Variants in SPATA24 observed in about 807,000 individuals in gnomAD.
The protein encoded by SPATA24 is spermatogenesis-associated protein 24.
Under a neutral mutation model 28.9 loss-of-function variants are expected in SPATA24, and 21 were observed. The observed-to-expected ratio is 0.73, with a 90% CI of 0.52 to 1.05. SPATA24 has a LOEUF of 1.05. SPATA24 is among the 50% of genes least tolerant of loss of function. The pLI is 0.00. For synonymous variants in SPATA24, 76 were observed against 89.9 expected (o/e 0.85, Z 0.88); for missense variants, 215 against 242.9 (o/e 0.88, Z 0.76).
At chr5:139,395,561 G>A (rs1285300093), downstream of SPATA24, 1 of 157,340 alleles carries the variant, frequency 6.4e-6, no homozygotes, top group East Asian at 1.9e-4. Context: ...GGGTGCCTTA[G>A]CATCACTGCA....
chr5:139,398,554 CAG>C (rs1315390856), intron 4 of SPATA24, among the ~76,000 whole-genome samples: 1 of 152,162 alleles, frequency 6.6e-6, no homozygotes, highest in Non-Finnish European at 1.5e-5. Flanking sequence ...GCCTGGGTGA[CAG>C]AGCAAGACCC....
chr5:139,393,154 G>T, downstream of SPATA24: 1 of 1,546,376 alleles, frequency 6.5e-7, no homozygotes. Context: ...AGAGCCTTGT[G>T]CTCCTGCCGG....
chr5:139,394,838 G>A, downstream of SPATA24: 8 of 1,531,670 alleles, frequency 5.2e-6, no homozygotes, highest in Non-Finnish European at 7.0e-6. Flanking sequence ...CCGGGCCCGT[G>A]CCGCTGGCGG....
chr5:139,394,169 T>G, downstream of SPATA24: 1 of 1,546,092 alleles, frequency 6.5e-7, no homozygotes, highest in Non-Finnish European at 8.7e-7. Context: ...GGGGCCGAAT[T>G]ATCTCGTACG....
chr5:139,395,790 T>G (rs1219388702), downstream of SPATA24: 1 of 152,288 alleles, frequency 6.6e-6, no homozygotes, highest in Admixed American at 6.5e-5. Flanking sequence ...TGGACAGCTC[T>G]AGCTTTCAGT....
Position 139,402,045 on chromosome 5 carries a change from C to T in SPATA24, c.184G>A (p.Glu62Lys), listed in dbSNP as rs770045128. 2.3e-5 allele frequency: 35 copies of T among 1,550,808 alleles called. No homozygotes were observed. The South Asian group carries it at 3.7e-4, about 16-fold the overall frequency. The change falls in exon 3 of 6, where the codon GAA (glutamate) becomes AAA (lysine). Residue 62 changes from glutamate (E) to lysine (K), a missense_variant and splice_region_variant. Physicochemically the swap from Glu to Lys is moderately conservative, Grantham distance 56. Transcript: ENST00000450845. ...EFQAVEKKLV[E>K]EKAAHAKTKV... ...GTTTTGGCATGGGCAGCTTTCTCTTCCTGCAGGGGCAGCAGCAGTCACCTC... is the reference window on the plus strand; with the variant it reads ...GTTTTGGCATGGGCAGCTTTCTCTTTCTGCAGGGGCAGCAGCAGTCACCTC...
downstream of SPATA24, chr5:139,392,730 G>A: frequency 8.5e-6 from 12 of 1,412,742 alleles, no homozygotes; most frequent in South Asian, 1.7e-4. The surrounding 1 kb of genome is among the most constrained non-coding windows in gnomAD (Gnocchi z 5.8). Flanking sequence ...GCTGGGATGA[G>A]CTGCGGGCGC....
Position 139,403,940 on chromosome 5 carries a change from A to G in SPATA24, c.117+4T>C, listed in dbSNP as rs1258463176. 1 of 1,550,920 alleles carries G rather than the reference A, an allele frequency of 6.4e-7. No homozygotes were observed. Among genetic ancestry groups the G allele is most frequent in the African/African-American group, 1.4e-5 (1 of 73,014 alleles). On this transcript the variant is annotated splice_donor_region_variant and intron_variant, in intron 1 of 5. Coordinates refer to ENST00000450845, the MANE Select transcript of SPATA24 (RefSeq NM_194296.2). ...CCTCTCCCCAAACTCCTCTGGCTGC[A>G]TACCACGTTCCTCAGCTGGTGGATT...
chr5:139,393,287 CCAGGGTGCCCA>C, downstream of SPATA24: 6 of 1,550,290 alleles, frequency 3.9e-6, no homozygotes, highest in Non-Finnish European at 5.2e-6. Context: ...TTATCCGCGT[CCAGGGTGCCCA>C]CAGGGTGGCT....
chr5:139,398,749 C>T (rs1441826922), intron 4 of SPATA24, among the ~76,000 whole-genome samples: 2 of 151,536 alleles, frequency 1.3e-5, no homozygotes, highest in Non-Finnish European at 2.9e-5. Context: ...AGGGGCCAGG[C>T]ACAGTGGCTC....
chr5:139,396,127 T>G (rs551368187), downstream of SPATA24: 7 of 980,916 alleles, frequency 7.1e-6, no homozygotes, highest in African/African-American at 1.2e-4. Flanking sequence ...GCACTTGGCC[T>G]CAAACCGACC....
downstream of SPATA24, chr5:139,392,523 A>G (rs892192241): frequency 2.2e-6 from 3 of 1,343,340 alleles, no homozygotes; most frequent in Non-Finnish European, 2.9e-6. The surrounding 1 kb of genome is among the most constrained non-coding windows in gnomAD (Gnocchi z 5.8). Context: ...GCGCCGAGGC[A>G]GCGCGGGGCT....
intron 1 of SPATA24, among the ~76,000 whole-genome samples, chr5:139,403,734 G>C (rs184435968): frequency 6.6e-6 from 1 of 152,342 alleles, no homozygotes; most frequent in East Asian, 1.9e-4. Flanking sequence ...ACGGAAGGGA[G>C]AATATGGCTT....
chr5:139,401,552 A>G (rs762146241), intron 4 of SPATA24: 3 of 699,566 alleles, frequency 4.3e-6, no homozygotes, highest in Middle Eastern at 3.0e-4. Context: ...GGTGAAGAAT[A>G]TAGTACACCG....
downstream of SPATA24, chr5:139,393,569 C>T: frequency 1.3e-6 from 2 of 1,551,168 alleles, no homozygotes; most frequent in East Asian, 4.9e-5. Flanking sequence ...TCTGGAGCCT[C>T]CCACGGGAAG....
chr5:139,402,379 T>C (rs935867447), intron 2 of SPATA24, among the ~76,000 whole-genome samples: 3 of 151,114 alleles, frequency 2.0e-5, no homozygotes, highest in African/African-American at 7.3e-5. Flanking sequence ...CACGCATGCT[T>C]GGCTAATATA....
At chr5:139,393,891 C>T (rs1758643582), downstream of SPATA24, 2 of 1,549,118 alleles carry the variant, frequency 1.3e-6, no homozygotes, top group Non-Finnish European at 1.7e-6. Flanking sequence ...TTGGAGTCTG[C>T]CGTGGCGGGG....
chr5:139,397,003 T>C lies in SPATA24; in HGVS notation c.488+38A>G, dbSNP rs1581399562. The C allele has an allele frequency of 3.0e-5, 46 of 1,551,642 alleles. No homozygotes were observed. The East Asian group carries it at 1.1e-3, about 38-fold the overall frequency. On this transcript the variant is annotated intron_variant, in intron 5 of 5. Coordinates refer to ENST00000450845, the MANE Select transcript of SPATA24 (RefSeq NM_194296.2). ...AGGGGCCAGAGGTCTGGCTCCCCAGTGTCATCAACAACCCCCAGCCGGGCC... is the reference window on the plus strand; with the variant it reads ...AGGGGCCAGAGGTCTGGCTCCCCAGCGTCATCAACAACCCCCAGCCGGGCC...
At chr5:139,395,321 C>T (rs1758681472), downstream of SPATA24, 1 of 402,084 alleles carries the variant, frequency 2.5e-6, no homozygotes, top group East Asian at 3.9e-5. Flanking sequence ...GGGGTGGGCT[C>T]CAAGCTTTGG....
Sources: allele counts gnomAD v4.1 joint callset (sites outside exome capture counted in the v4.1 genomes callset), GRCh38; gene constraint gnomAD v4.1.1; non-coding constraint Gnocchi (gnomAD v3.1); transcripts MANE v1.5; gene names NCBI Gene and HGNC (gene_info 2026-07-23, HGNC 2026-07-21).